TRIM66: variants seen among roughly 807,000 people sequenced by gnomAD.
The protein encoded by TRIM66 is tripartite motif-containing protein 66.
A neutral mutation model predicts 148.2 loss-of-function variants in TRIM66; 99 were observed. That is an observed-to-expected ratio of 0.67 (90% confidence interval 0.57 to 0.79). The LOEUF is 0.79. TRIM66 is among the 30% of genes least tolerant of loss of function. The pLI is 0.00. For missense variants in TRIM66, 1,666 were observed against 1,697.9 expected, an observed-to-expected ratio of 0.98 and a Z score of 0.33; for synonymous variants, 616 against 635.9, an observed-to-expected ratio of 0.97 and a Z score of 0.47.
chr11:8,652,093 C>T (rs1442656606), intron 6 of TRIM66, among the ~76,000 whole-genome samples, 190 bp from the exon 7 acceptor site: 2 of 152,186 alleles, frequency 1.3e-5, no homozygotes, highest in East Asian at 1.9e-4. Context: ...CCCATTGGGG[C>T]CTTCCCTACA....
chr11:8,669,975 C>A (rs888234272), intron 6 of TRIM66, among the ~76,000 whole-genome samples: 1 of 151,214 alleles, frequency 6.6e-6, no homozygotes, highest in African/African-American at 2.4e-5. Flanking sequence ...ATCACAGTAC[C>A]TGATGGGTAG....
Position 8,621,072 on chromosome 11 carries a change from G to A in TRIM66, c.3505C>T (p.His1169Tyr). 6.4e-7 allele frequency: 1 copy of A among 1,551,722 alleles called. No individual in the cohort carries two copies. Among genetic ancestry groups the A allele is most frequent in the Non-Finnish European group, 8.7e-7 (1 of 1,146,984 alleles). Residue 1169 changes from histidine (H) to tyrosine (Y), a missense_variant, in exon 20 of 25, where the codon CAC becomes TAC. His to Tyr is a moderately conservative substitution (Grantham distance 83). Transcript: ENST00000646038. ...AAGGCTGGCACATGGCAGGAGAGGTGGAACACTTTGGGGCAGCGGTCACAG... is the reference window on the plus strand; with the variant it reads ...AAGGCTGGCACATGGCAGGAGAGGTAGAACACTTTGGGGCAGCGGTCACAG... ...LCCDRCPKVFHLSCHVPALLS... is the reference protein window; with the variant it reads ...LCCDRCPKVFYLSCHVPALLS...
At position 8,615,261 on chromosome 11, in the gene TRIM66, C is replaced by G. The variant is rs2033653836; in HGVS notation, c.*2683G>C. 6.6e-6 allele frequency: 1 copy of G among 152,174 alleles called. No individual in the cohort carries two copies. The highest frequency in any genetic ancestry group is 2.1e-4 in the South Asian group (1 of 4,834). The allele number at this position is 152,174 out of a possible 1,614,324, so 9.4% of individuals were successfully genotyped here. The stretch of plus-strand genomic sequence containing the variant: ...AAAATAAAATTTAAAAATCCTGAAC[C>G]AATTTTTAACTAAAATCCCCTTGCA... On this transcript the variant is annotated 3_prime_UTR_variant, in exon 25 of 25. Coordinates refer to ENST00000646038, the MANE Select transcript of TRIM66 (RefSeq NM_001388022.1).
chr11:8,625,058 G>A lies in TRIM66; in HGVS notation c.2481C>T (p.Ser827=), dbSNP rs78144934. ...SLLSAPPKMV[S]SLTSVQNQAM... ...CCTGGTTTTGAACACTTGTCAGGCT[G>A]GACACCATTTTGGGGGGAGCACTCA... Residue 827 remains serine, a synonymous_variant, in exon 16 of 25, where the codon TCC becomes TCT. Coordinates refer to ENST00000646038, the MANE Select transcript of TRIM66 (RefSeq NM_001388022.1). The A allele has an allele frequency of 2.9e-3, 4,424 of 1,551,726 alleles. 110 individuals carry two copies. In the African/African-American group the frequency reaches 0.053, roughly 19 times the overall value.
chr11:8,682,957 C>T, upstream of TRIM66: 1 of 1,212,346 alleles, frequency 8.2e-7, no homozygotes, highest in Non-Finnish European at 1.2e-6. Flanking sequence ...GGGTGGCCGG[C>T]GCGGGCCCGG....
intron 12 of TRIM66, among the ~76,000 whole-genome samples, chr11:8,645,252 G>C (rs1472937145): frequency 1.3e-5 from 2 of 152,176 alleles, no homozygotes; most frequent in African/African-American, 4.8e-5. Context: ...AGGCACCTTA[G>C]ATTCAAAGTA....
intron 14 of TRIM66, among the ~76,000 whole-genome samples, chr11:8,639,638 C>A (rs748768495): frequency 1.3e-5 from 2 of 152,158 alleles, no homozygotes; most frequent in Non-Finnish European, 1.5e-5. Context: ...CACTTATATA[C>A]CTATAAAGCA....
intron 15 of TRIM66, among the ~76,000 whole-genome samples, chr11:8,626,856 G>A (rs77215306): frequency 0.078 from 11,821 of 152,052 alleles, 554 homozygotes; most frequent in Non-Finnish European, 0.1. Flanking sequence ...CTGAACTCTA[G>A]TCACTCATTT....
At chr11:8,641,496 G>T (rs1251850921) in intron 13 of TRIM66, among the ~76,000 whole-genome samples, 1 of 152,156 alleles carries the variant, frequency 6.6e-6, no homozygotes, top group East Asian at 1.9e-4. Flanking sequence ...CTCACAAAAA[G>T]AATCAACTTT....
chr11:8,640,854 C>T lies in TRIM66; in HGVS notation c.1521G>A (p.Gln507=). The change falls in exon 14 of 25, where the codon CAG becomes CAA. Residue 507 remains glutamine (Q), a synonymous_variant. Coordinates refer to ENST00000646038, the MANE Select transcript of TRIM66 (RefSeq NM_001388022.1). ...TCTCCCTGGGCAGCAGGGCAGAGCACTGCAGAGACCCCAGCTGCTGGGGCA... is the reference window on the plus strand; with the variant it reads ...TCTCCCTGGGCAGCAGGGCAGAGCATTGCAGAGACCCCAGCTGCTGGGGCA... The part of the protein sequence containing the change: ...EMVPQQLGSL[Q]CSALLPREKE... 1.3e-6 allele frequency: 2 copies of T among 1,550,392 alleles called. No individual in the cohort carries two copies. Among genetic ancestry groups the T allele is most frequent in the South Asian group, 1.2e-5 (1 of 83,994 alleles).
rs368686082 is a variant in TRIM66 at position 8,640,891 on chromosome 11, G to T, written c.1484C>A (p.Pro495His). Residue 495 changes from proline to histidine, a missense_variant, in exon 14 of 25, where the codon CCC becomes CAC. Physicochemically the swap from Pro to His is moderately conservative, Grantham distance 77 (BLOSUM62 -2). Coordinates refer to ENST00000646038, the MANE Select transcript of TRIM66 (RefSeq NM_001388022.1). ...SIHPAHSFRQ[P>H]PEMVPQQLGS... ...CAGCTGCTGGGGCACCATCTCAGGGGGCTGCCTGAAGCTGTGGGCTGGGTG... is the reference window on the plus strand; with the variant it reads ...CAGCTGCTGGGGCACCATCTCAGGGTGCTGCCTGAAGCTGTGGGCTGGGTG... 2.1e-5 allele frequency: 32 copies of T among 1,550,578 alleles called. No homozygotes were observed. The African/African-American group carries it at 3.1e-4, about 15-fold the overall frequency.
chr11:8,663,527 C>T (rs1393363587), intron 6 of TRIM66, among the ~76,000 whole-genome samples: 1 of 151,854 alleles, frequency 6.6e-6, no homozygotes, highest in African/African-American at 2.4e-5. Context: ...TACTGTCTCG[C>T]TCTCTCTCTC....
At chr11:8,623,713 G>C (rs1253768134) in intron 17 of TRIM66, among the ~76,000 whole-genome samples, 1 of 152,144 alleles carries the variant, frequency 6.6e-6, no homozygotes, top group African/African-American at 2.4e-5. Flanking sequence ...ACTTAGCCTA[G>C]CCTGGTTGGA....
chr11:8,636,197 C>T (rs998318791), intron 15 of TRIM66, among the ~76,000 whole-genome samples: 2 of 152,060 alleles, frequency 1.3e-5, no homozygotes, highest in Admixed American at 1.3e-4. Context: ...AAATGGACAG[C>T]TTTAACGCAT....
At chr11:8,619,905 C>T in intron 22 of TRIM66, 145 bp downstream of exon 22, 1 of 857,704 alleles carries the variant, frequency 1.2e-6, no homozygotes, top group Non-Finnish European at 1.8e-6. Flanking sequence ...GCCCTCTGAG[C>T]AGAAAAGACA....
rs2036345055 is a variant in TRIM66 at position 8,641,033 on chromosome 11, G to A, written c.1342C>T (p.Leu448Phe). The A allele has an allele frequency of 6.4e-7, 1 of 1,551,678 alleles. No homozygotes were observed. Among genetic ancestry groups the A allele is most frequent in the Non-Finnish European group, 8.7e-7 (1 of 1,146,992 alleles). ...HQSPVAQQEA[L>F]SHPSHKFQSP... Reference sequence around the variant, plus strand: ...TGGAACTTGTGTGAGGGGTGGCTAAGAGCCTCTTGCTGAGCCACTGGAGAC... The same window carrying A: ...TGGAACTTGTGTGAGGGGTGGCTAAAAGCCTCTTGCTGAGCCACTGGAGAC... The change falls in exon 14 of 25, where the codon CTT (leucine) becomes TTT (phenylalanine). Residue 448 changes from leucine (L) to phenylalanine (F), a missense_variant. Leu to Phe is a conservative substitution (Grantham distance 22, BLOSUM62 0). This residue lies in a region of TRIM66 where 1,431 missense variants were observed against 1,412.4 expected (regional missense o/e 1.01). Transcript: ENST00000646038.
chr11:8,654,751 A>G (rs140434700), intron 6 of TRIM66, among the ~76,000 whole-genome samples: 3 of 152,382 alleles, frequency 2.0e-5, no homozygotes, highest in East Asian at 3.9e-4. Flanking sequence ...TGTTATAACA[A>G]AAGGATGTTT....
In TRIM66 at chr11:8,682,642, T is replaced by C. The variant is rs2039499514; in HGVS notation, c.-589A>G. ...CACCAGGACACTCCGTGATGGGGGA[T>C]CACCACCCTCAGAAAGAGGAAGCGA... On this transcript the variant is annotated 5_prime_UTR_variant, in exon 1 of 25. Transcript: ENST00000646038. 4.0e-5 allele frequency: 29 copies of C among 731,272 alleles called. 1 individual carries two copies. The highest frequency in any genetic ancestry group is 6.8e-5 in the Non-Finnish European group (28 of 411,960). 45.3% of individuals were successfully genotyped at this position (731,272 alleles called of 1,614,324 possible). A position where few individuals can be genotyped will look rare whatever the true frequency, so the allele number is the denominator to read the frequency against.
At chr11:8,625,765 C>T (rs111929730) in intron 15 of TRIM66, among the ~76,000 whole-genome samples, 2,265 of 152,278 alleles carry the variant, frequency 0.015, 25 homozygotes, top group Non-Finnish European at 0.024. Flanking sequence ...TCTTATCTGC[C>T]TCAGACCTTC....
Sources: gnomAD v4.1 joint callset for allele counts (sites outside exome capture counted in the v4.1 genomes callset) on GRCh38, gnomAD v4.1.1 for gene constraint, gnomAD v4.1.1 regional missense constraint, MANE v1.5 for transcripts, NCBI Gene and HGNC (gene_info 2026-07-23, HGNC 2026-07-21) for gene names.